FHOD3: variants seen among roughly 807,000 people sequenced by gnomAD.
The protein encoded by FHOD3 is formin homology 2 domain containing 3.
FHOD3 carries 90 observed loss-of-function variants against 173.0 expected under a neutral mutation model. The observed-to-expected ratio is 0.52, with a 90% CI of 0.44 to 0.62. FHOD3 has a LOEUF of 0.62. Among genes scored for constraint, FHOD3 ranks in the 20% least tolerant of loss-of-function variants. The pLI is 0.00. For missense variants in FHOD3, 1,945 were observed against 2,034.7 expected (o/e 0.96, Z 0.85); for synonymous variants, 828 against 823.0 (o/e 1.01, Z -0.10).
intron 3 of FHOD3, among the ~76,000 whole-genome samples, chr18:36,416,211 T>C (rs2049637840): frequency 6.6e-6 from 1 of 152,150 alleles, no homozygotes; most frequent in Non-Finnish European, 1.5e-5. Flanking sequence ...TTTTTTGTAT[T>C]TTTATTAGAG....
chr18:36,762,947 G>T (rs1023313219), intron 27 of FHOD3, among the ~76,000 whole-genome samples: 2 of 145,080 alleles, frequency 1.4e-5, no homozygotes, highest in African/African-American at 5.0e-5. Context: ...TATATAATAT[G>T]TGTATTATAT....
intron 3 of FHOD3, among the ~76,000 whole-genome samples, chr18:36,393,968 A>G (rs972715227): frequency 6.6e-6 from 1 of 152,206 alleles, no homozygotes; most frequent in African/African-American, 2.4e-5. Flanking sequence ...ATTAAAACTT[A>G]GAAGGGTTTA....
Position 36,583,805 on chromosome 18 carries a change from AATTATT to A in FHOD3, c.606+7277_606+7282del, listed in dbSNP as rs112886691. ...ACTATTATCTGAGGTTTTATTGTTT[AATTATT>A]ATTATTATTATTATTACTATTATTA... On this transcript the variant is annotated intron_variant, in intron 6 of 28. Coordinates refer to ENST00000590592, the MANE Select transcript of FHOD3 (RefSeq NM_001281740.3). 6.2e-4 allele frequency among the ~76,000 whole-genome samples: 93 copies of A among 151,130 alleles called. 1 individual carries two copies. Among genetic ancestry groups the A allele is most frequent in the East Asian group, 2.1e-3 (11 of 5,152 alleles).
intron 5 of FHOD3, among the ~76,000 whole-genome samples, chr18:36,566,485 G>T (rs1281736217): frequency 1.3e-5 from 2 of 152,188 alleles, no homozygotes; most frequent in Non-Finnish European, 2.9e-5. Context: ...AGCCCAGATG[G>T]TCTGGGCAGG....
chr18:36,759,233 A>G (rs1433831256), intron 26 of FHOD3, 92 bp downstream of exon 26: 7 of 1,348,838 alleles, frequency 5.2e-6, no homozygotes, highest in Non-Finnish European at 6.1e-6. Flanking sequence ...AAGTGTCAGC[A>G]CCATTCAGTG....
chr18:36,573,090 T>TA (rs1402203452), intron 5 of FHOD3, among the ~76,000 whole-genome samples: 9 of 151,482 alleles, frequency 5.9e-5, no homozygotes, highest in Admixed American at 1.3e-4. Context: ...GATGCACTAG[T>TA]AAAAAAATTC....
intron 5 of FHOD3, among the ~76,000 whole-genome samples, chr18:36,512,987 T>C (rs117902052): frequency 0.01 from 1,550 of 152,334 alleles, 9 homozygotes; most frequent in Middle Eastern, 0.021. Flanking sequence ...TTTTTCACCT[T>C]GTCTTCCTGT....
chr18:36,627,478 T>C (rs1185081078), intron 10 of FHOD3, among the ~76,000 whole-genome samples: 5 of 152,210 alleles, frequency 3.3e-5, no homozygotes, highest in Non-Finnish European at 7.3e-5. Context: ...TTCACAGTCT[T>C]GAAGTGCTGG....
intron 11 of FHOD3, among the ~76,000 whole-genome samples, chr18:36,652,187 G>A (rs2036102665): frequency 6.6e-6 from 1 of 152,238 alleles, no homozygotes; most frequent in African/African-American, 2.4e-5. Context: ...CAGAGATGAA[G>A]TTCCAGTCGT....
intron 5 of FHOD3, among the ~76,000 whole-genome samples, chr18:36,542,358 A>G (rs1213862488): frequency 2.0e-5 from 3 of 152,116 alleles, no homozygotes; most frequent in Non-Finnish European, 4.4e-5. Flanking sequence ...ATTTATCTTT[A>G]TTTTTAGGGA....
chr18:36,678,880 C>T (rs1464384194), intron 14 of FHOD3, among the ~76,000 whole-genome samples: 33 of 151,966 alleles, frequency 2.2e-4, no homozygotes, highest in Admixed American at 1.1e-3. Context: ...TATAAGTTGC[C>T]GTCTTCACAC....
intron 3 of FHOD3, among the ~76,000 whole-genome samples, chr18:36,424,198 C>T (rs2050130403): frequency 1.3e-5 from 2 of 152,194 alleles, no homozygotes; most frequent in African/African-American, 2.4e-5. Context: ...AATTACAAGC[C>T]TTTCCGATGC....
In FHOD3 at chr18:36,305,562, A is replaced by G. The variant is rs553263997; in HGVS notation, c.165+7562A>G. ...AGAATGAAATGCCAGAGCTGTAACC[A>G]GAGTGTGTGGGACAAGCCCAAGATT... On this transcript the variant is annotated intron_variant, in intron 1 of 28. Transcript: ENST00000590592. 4.6e-5 allele frequency among the ~76,000 whole-genome samples: 7 copies of G among 152,380 alleles called. No individual in the cohort carries two copies. The East Asian group carries it at 1.2e-3, about 25-fold the overall frequency.
chr18:36,415,649 A>G (rs922055141), intron 3 of FHOD3, among the ~76,000 whole-genome samples: 1 of 152,248 alleles, frequency 6.6e-6, no homozygotes, highest in Non-Finnish European at 1.5e-5. Flanking sequence ...ATCTATATTT[A>G]GCAGAAACCC....
intron 8 of FHOD3, among the ~76,000 whole-genome samples, chr18:36,603,387 G>GGTGCCTGCGT (rs1310255357): frequency 6.6e-6 from 1 of 151,976 alleles, no homozygotes; most frequent in Non-Finnish European, 1.5e-5. Flanking sequence ...AAGGCCTGTG[G>GGTGCCTGCGT]GTGCCTGCGT....
intron 1 of FHOD3, among the ~76,000 whole-genome samples, chr18:36,307,667 T>C (rs1432545096): frequency 6.6e-6 from 1 of 152,220 alleles, no homozygotes; most frequent in East Asian, 1.9e-4. Context: ...CCACTTAAAC[T>C]GTGTGTGTGG....
At chr18:36,704,894 T>C (rs1054522721) in intron 17 of FHOD3, among the ~76,000 whole-genome samples, 2 of 152,126 alleles carry the variant, frequency 1.3e-5, no homozygotes, top group African/African-American at 4.8e-5. Context: ...CTGTTCAGAG[T>C]CTCAGTCCCT....
At chr18:36,667,899 G>A (rs957663796) in intron 14 of FHOD3, among the ~76,000 whole-genome samples, 2 of 152,150 alleles carry the variant, frequency 1.3e-5, no homozygotes, top group African/African-American at 4.8e-5. Context: ...GTAGAACATT[G>A]TTGACTGAAA....
intron 3 of FHOD3, among the ~76,000 whole-genome samples, chr18:36,493,213 CT>C (rs60189688): frequency 0.54 from 74,488 of 138,022 alleles, 19,845 homozygotes; most frequent in South Asian, 0.66. Flanking sequence ...TTTTCTTTTT[CT>C]TTTTTTTTTT....
Sources: gnomAD v4.1 joint callset for allele counts (sites outside exome capture counted in the v4.1 genomes callset) on GRCh38, gnomAD v4.1.1 for gene constraint, MANE v1.5 for transcripts, NCBI Gene and HGNC (gene_info 2026-07-23, HGNC 2026-07-21) for gene names.